DTNA: variants seen among roughly 807,000 people sequenced by gnomAD.
The protein encoded by DTNA is dystrobrevin alpha, also known as dystrophin-related protein 3.
Under a neutral mutation model 100.7 loss-of-function variants are expected in DTNA, and 43 were observed. The observed-to-expected ratio is 0.43, with a 90% CI of 0.33 to 0.55. The LOEUF is 0.55. Among genes scored for constraint, DTNA ranks in the 20% least tolerant of loss-of-function variants. DTNA has a pLI of 0.04. For missense variants in DTNA, 798 were observed against 953.9 expected, an observed-to-expected ratio of 0.84 and a Z score of 2.15; for synonymous variants, 349 against 347.9, an observed-to-expected ratio of 1.00 and a Z score of -0.04.
intron 1 of DTNA, among the ~76,000 whole-genome samples, chr18:34,547,578 G>T (rs1004871269): frequency 2.6e-5 from 4 of 152,058 alleles, no homozygotes; most frequent in Non-Finnish European, 2.9e-5. Flanking sequence ...GTTTATGAAA[G>T]ACATCCATTA....
At chr18:34,551,281 G>A (rs79120543) in intron 1 of DTNA, among the ~76,000 whole-genome samples, 408 of 152,082 alleles carry the variant, frequency 2.7e-3, no homozygotes, top group Middle Eastern at 0.01. Context: ...CTACCCATGT[G>A]TAGGCAAAAA....
intron 3 of DTNA, among the ~76,000 whole-genome samples, chr18:34,777,509 G>A (rs529314001): frequency 1.8e-4 from 27 of 152,108 alleles, no homozygotes; most frequent in African/African-American, 5.5e-4. Context: ...GTATTAGTTC[G>A]TTTTCACACT....
intron 1 of DTNA, among the ~76,000 whole-genome samples, chr18:34,568,274 A>G (rs1216519746): frequency 6.6e-6 from 1 of 152,168 alleles, no homozygotes; most frequent in Non-Finnish European, 1.5e-5. Context: ...ACCACTGTGT[A>G]TATGTGTGTG....
At chr18:34,705,792 A>G (rs984704582), upstream of DTNA, among the ~76,000 whole-genome samples, 2 of 152,208 alleles carry the variant, frequency 1.3e-5, no homozygotes, top group African/African-American at 4.8e-5. Flanking sequence ...AAGACTAAAC[A>G]TATATTAGCA....
chr18:34,702,195 G>A (rs1600463077), intron 1 of DTNA, among the ~76,000 whole-genome samples: 1 of 151,884 alleles, frequency 6.6e-6, no homozygotes, highest in South Asian at 2.1e-4. Flanking sequence ...GAAATCCCTC[G>A]CCTCCTTTTT....
At chr18:34,820,452 G>GGGCT (rs1172753926) in intron 8 of DTNA, among the ~76,000 whole-genome samples, 2 of 152,158 alleles carry the variant, frequency 1.3e-5, no homozygotes, top group African/African-American at 2.4e-5. Context: ...CTCCCCAGAA[G>GGGCT]GGCTCCCTTC....
rs1247419886 is a variant in DTNA, at chr18:34,812,127, A to G, written c.603+14A>G. Reference sequence around the variant, plus strand: ...TTCTCCCAACAGGTAGGAGAAAAATATGTTTAAGGAAGTATCTCTTTCAAA... The same window carrying G: ...TTCTCCCAACAGGTAGGAGAAAAATGTGTTTAAGGAAGTATCTCTTTCAAA... On this transcript the variant is annotated intron_variant, in intron 6 of 22. Transcript: ENST00000444659. 1.9e-6 allele frequency: 3 copies of G among 1,613,942 alleles called. No homozygotes were observed. The highest frequency in any genetic ancestry group is 3.3e-5 in the Admixed American group (2 of 60,008).
intron 17 of DTNA, among the ~76,000 whole-genome samples, chr18:34,875,007 G>T (rs1372145640): frequency 6.6e-6 from 1 of 152,170 alleles, no homozygotes; most frequent in Admixed American, 6.5e-5. Flanking sequence ...GAGCAATGCT[G>T]TACTAATAGT....
chr18:34,570,812 T>G (rs1478733732), intron 1 of DTNA, among the ~76,000 whole-genome samples: 2 of 152,180 alleles, frequency 1.3e-5, no homozygotes, highest in Non-Finnish European at 1.5e-5. Flanking sequence ...TTAAAAATTT[T>G]GGGTACCTCT....
intron 17 of DTNA, among the ~76,000 whole-genome samples, chr18:34,865,212 C>A (rs2096682269): frequency 6.6e-6 from 1 of 152,230 alleles, no homozygotes. Context: ...GGCCCCAACA[C>A]ACCAACATTT....
intron 3 of DTNA, among the ~76,000 whole-genome samples, chr18:34,770,557 T>C (rs747571384): frequency 1.3e-5 from 2 of 152,192 alleles, no homozygotes; most frequent in Non-Finnish European, 2.9e-5. Context: ...TTTTCTTCTG[T>C]TCAATTCCTA....
intron 1 of DTNA, among the ~76,000 whole-genome samples, chr18:34,507,941 T>C (rs1398963658): frequency 6.6e-6 from 1 of 152,230 alleles, no homozygotes; most frequent in Non-Finnish European, 1.5e-5. Flanking sequence ...GTATTTATTA[T>C]ATTTAACATT....
chr18:34,649,572 A>T (rs1282365591), intron 1 of DTNA, among the ~76,000 whole-genome samples: 2 of 152,192 alleles, frequency 1.3e-5, no homozygotes, highest in African/African-American at 4.8e-5. Flanking sequence ...AAGTTGTTGG[A>T]TTAAATTAAA....
chr18:34,519,038 A>G (rs555831285), intron 1 of DTNA, among the ~76,000 whole-genome samples: 49 of 152,224 alleles, frequency 3.2e-4, no homozygotes, highest in South Asian at 1.5e-3. Flanking sequence ...AGAGCCTTGC[A>G]GAGAATGGTT....
At chr18:34,834,941 A>G (rs1622440) in intron 11 of DTNA, among the ~76,000 whole-genome samples, 42,759 of 152,134 alleles carry the variant, frequency 0.28, 6,433 homozygotes, top group African/African-American at 0.38. Context: ...TCAAGCTTGG[A>G]AGCTGGAGAA....
At chr18:34,860,225 T>G (rs1217481922) in intron 16 of DTNA, among the ~76,000 whole-genome samples, 14 of 129,164 alleles carry the variant, frequency 1.1e-4, no homozygotes, top group Non-Finnish European at 1.6e-4. Flanking sequence ...TTTTTGTTTT[T>G]TTTTTTTTTT....
intron 6 of DTNA, 74 bp downstream of exon 6, chr18:34,812,187 T>G: frequency 1.9e-6 from 3 of 1,593,840 alleles, no homozygotes; most frequent in Non-Finnish European, 2.6e-6. Flanking sequence ...TCATTCCAGG[T>G]CACAGATACT....
At chr18:34,503,576 G>A (rs576697031) in intron 1 of DTNA, among the ~76,000 whole-genome samples, 80 of 152,012 alleles carry the variant, frequency 5.3e-4, no homozygotes, top group Middle Eastern at 3.4e-3. Flanking sequence ...GAGCCACCAC[G>A]CCTGGCCTAG....
At position 34,611,386 on chromosome 18, in the gene DTNA, G is replaced by A. The variant is rs73412405; in HGVS notation, c.-2+117872G>A. Among the ~76,000 whole-genome samples, 928 of 152,210 alleles carry A rather than the reference G, an allele frequency of 6.1e-3. 13 individuals carry two copies. Among genetic ancestry groups the A allele is most frequent in the African/African-American group, 0.021 (881 of 41,520 alleles). ...ACAGGTAGAGAGTGATTAAATCCTGGTCTCAGAAGTTTCCTCCAGTCTCAG... is the reference window on the plus strand; with the variant it reads ...ACAGGTAGAGAGTGATTAAATCCTGATCTCAGAAGTTTCCTCCAGTCTCAG... On this transcript the variant is annotated intron_variant, in intron 1 of 19. Coordinates refer to the DTNA transcript ENST00000283365.
Sources: allele counts gnomAD v4.1 joint callset (sites outside exome capture counted in the v4.1 genomes callset), GRCh38; gene constraint gnomAD v4.1.1; transcripts MANE v1.5; gene names NCBI Gene and HGNC (gene_info 2026-07-23, HGNC 2026-07-21).